Variants in ALDH18A1 observed in about 807,000 individuals in gnomAD.
ALDH18A1 encodes delta-1-pyrroline-5-carboxylate synthase.
Under a neutral mutation model 88.8 loss-of-function variants are expected in ALDH18A1, and 44 were observed. The ratio of observed to expected loss-of-function variants is 0.50; its 90% confidence interval spans 0.39 to 0.64. The LOEUF is 0.64. Among genes scored for constraint, ALDH18A1 ranks in the 30% least tolerant of loss-of-function variants. The probability of loss-of-function intolerance (pLI) is 0.00; values close to 1 mark genes in which losing one functional copy is unlikely to be tolerated. For synonymous variants in ALDH18A1, 331 were observed against 372.1 expected, an observed-to-expected ratio of 0.89 and a Z score of 1.27; for missense variants, 782 against 1,009.5, an observed-to-expected ratio of 0.77 and a Z score of 3.05.
chr10:95,645,875 T>TA (rs1324333655), intron 2 of ALDH18A1, among the ~76,000 whole-genome samples: 2 of 152,330 alleles, frequency 1.3e-5, no homozygotes, highest in East Asian at 3.9e-4. Flanking sequence ...TATGGAGTGC[T>TA]ACTTTCCTTC....
At chr10:95,613,890 T>C (rs756836950) in intron 14 of ALDH18A1, 27 bp from the exon 15 acceptor site, 1 of 1,614,148 alleles carries the variant, frequency 6.2e-7, no homozygotes, top group East Asian at 2.2e-5. Flanking sequence ...AAAGAATTGT[T>C]TCCATTGACA....
chr10:95,608,937 G>A (rs903029196), intron 17 of ALDH18A1, among the ~76,000 whole-genome samples: 6 of 152,168 alleles, frequency 3.9e-5, no homozygotes, highest in Non-Finnish European at 5.9e-5. Context: ...GCGCAATGGT[G>A]CGGTCTCGGC....
chr10:95,614,434 G>C (rs1034052332), intron 13 of ALDH18A1, among the ~76,000 whole-genome samples: 2 of 152,212 alleles, frequency 1.3e-5, no homozygotes, highest in South Asian at 2.1e-4. Context: ...GCATCAAGTA[G>C]GGAAGGCAGC....
chr10:95,639,382 C>T (rs1380569964), intron 3 of ALDH18A1, among the ~76,000 whole-genome samples: 1 of 151,814 alleles, frequency 6.6e-6, no homozygotes. Flanking sequence ...AACCAAAGTG[C>T]TGAGAATAGT....
At chr10:95,644,656 C>T (rs1328474974) in intron 2 of ALDH18A1, among the ~76,000 whole-genome samples, 1 of 152,232 alleles carries the variant, frequency 6.6e-6, no homozygotes, top group African/African-American at 2.4e-5. Flanking sequence ...AGGCACACTG[C>T]CACCAGTCGA....
At chr10:95,652,515 C>T (rs1005594078) in intron 2 of ALDH18A1, among the ~76,000 whole-genome samples, 15 of 152,076 alleles carry the variant, frequency 9.9e-5, no homozygotes, top group Admixed American at 4.6e-4. Flanking sequence ...GCGGGCAGAT[C>T]ACCTGAGGTC....
intron 8 of ALDH18A1, 143 bp from the exon 9 acceptor site, chr10:95,627,729 G>C (rs945168874): frequency 2.8e-6 from 3 of 1,073,558 alleles, no homozygotes; most frequent in African/African-American, 1.6e-5. Context: ...TAGAAGCTCT[G>C]AAAACACATA....
At chr10:95,626,676 A>G in intron 10 of ALDH18A1, 27 bp downstream of exon 10, 1 of 1,610,622 alleles carries the variant, frequency 6.2e-7, no homozygotes, top group Non-Finnish European at 8.5e-7. Context: ...TGAAAACTAT[A>G]ACAATATTAT....
At chr10:95,652,701 C>A (rs2097912175) in intron 2 of ALDH18A1, among the ~76,000 whole-genome samples, 1 of 151,850 alleles carries the variant, frequency 6.6e-6, no homozygotes, top group Non-Finnish European at 1.5e-5. Context: ...CACCACTGCA[C>A]TCCAACCTGG....
intron 8 of ALDH18A1, among the ~76,000 whole-genome samples, chr10:95,627,839 T>C (rs1242660786): frequency 2.0e-5 from 3 of 152,208 alleles, no homozygotes; most frequent in Non-Finnish European, 2.9e-5. Context: ...GTCTCTCTAG[T>C]ATGGGACTCA....
Position 95,626,638 on chromosome 10 carries a change from T to A in ALDH18A1, c.1152+65A>T. 2.6e-6 allele frequency: 4 copies of A among 1,510,112 alleles called. No individual in the cohort carries two copies. In the Admixed American group the frequency reaches 5.1e-5, roughly 19 times the overall value. 93.5% of individuals were successfully genotyped at this position (1,510,112 alleles called of 1,614,324 possible). ...TAAAGATGGAGTCAGCAGGTTTGAC[T>A]CCTGTAACTACACAGCATGACTCAC... On this transcript the variant is annotated intron_variant, in intron 10 of 17. Coordinates refer to ENST00000371224, the MANE Select transcript of ALDH18A1 (RefSeq NM_002860.4).
At chr10:95,629,193 G>A (rs767316265) in intron 7 of ALDH18A1, among the ~76,000 whole-genome samples, 44 of 152,196 alleles carry the variant, frequency 2.9e-4, no homozygotes, top group Non-Finnish European at 5.9e-4. Flanking sequence ...GTAAGTAGGA[G>A]CTTGGACAAG....
intron 5 of ALDH18A1, 87 bp downstream of exon 5, chr10:95,637,006 T>C (rs979206283): frequency 1.8e-5 from 22 of 1,214,314 alleles, no homozygotes; most frequent in Non-Finnish European, 1.2e-5. Context: ...GCTGACACCA[T>C]ATTCCAATAG....
intron 2 of ALDH18A1, among the ~76,000 whole-genome samples, chr10:95,647,122 C>T (rs1246805239): frequency 6.6e-6 from 1 of 152,142 alleles, no homozygotes; most frequent in African/African-American, 2.4e-5. Context: ...CCAGAAAAAT[C>T]CAAATCCCCA....
In ALDH18A1 at chr10:95,606,661, A is replaced by C; in HGVS notation, c.*101T>G. On this transcript the variant is annotated 3_prime_UTR_variant, in exon 18 of 18. Coordinates refer to ENST00000371224, the MANE Select transcript of ALDH18A1 (RefSeq NM_002860.4). The stretch of plus-strand genomic sequence containing the variant: ...TCCAGGTACACTTTCCAACAGGCAG[A>C]CCCTACCAGGAACTGGGAGACAAGA... 1.2e-6 allele frequency: 2 copies of C among 1,610,272 alleles called. No individual in the cohort carries two copies. Among genetic ancestry groups the C allele is most frequent in the Non-Finnish European group, 1.7e-6 (2 of 1,179,588 alleles).
intron 12 of ALDH18A1, among the ~76,000 whole-genome samples, chr10:95,620,189 A>G (rs900534037): frequency 4.6e-5 from 7 of 152,258 alleles, no homozygotes; most frequent in African/African-American, 1.4e-4. Flanking sequence ...AAAAATGTTC[A>G]TCGTCACTGG....
At chr10:95,621,934 T>A (rs774182858) in intron 11 of ALDH18A1, among the ~76,000 whole-genome samples, 1 of 152,292 alleles carries the variant, frequency 6.6e-6, no homozygotes, top group Non-Finnish European at 1.5e-5. Context: ...TTCACTGACA[T>A]GGAGAGCTGT....
rs893217052 is a variant in ALDH18A1, at chr10:95,616,439, C to T, written c.1605+38G>A. ...TAAATTCCCAAACACCTGATCTGGCCCCTCTGGGCCTGACTTGGTGCATTC... is the reference window on the plus strand; with the variant it reads ...TAAATTCCCAAACACCTGATCTGGCTCCTCTGGGCCTGACTTGGTGCATTC... On this transcript the variant is annotated intron_variant, in intron 13 of 17. Transcript: ENST00000371224. 8 of 1,553,054 alleles carry T rather than the reference C, an allele frequency of 5.2e-6. No homozygotes were observed. In the Admixed American group the frequency reaches 1.4e-4, roughly 27 times the overall value.
chr10:95,633,407 G>A, intron 6 of ALDH18A1, 84 bp downstream of exon 6: 4 of 1,533,024 alleles, frequency 2.6e-6, no homozygotes, highest in Non-Finnish European at 3.6e-6. Flanking sequence ...TCTTGTTTAT[G>A]CCAAACTTCT....
Sources: allele counts gnomAD v4.1 joint callset (sites outside exome capture counted in the v4.1 genomes callset), GRCh38; gene constraint gnomAD v4.1.1; transcripts MANE v1.5; gene names NCBI Gene and HGNC (gene_info 2026-07-23, HGNC 2026-07-21).